The following ADARB1 variants were observed in gnomAD, a reference collection of about 807,000 sequenced individuals.
ADARB1 encodes double-stranded RNA-specific editase 1.
ADARB1 carries 10 observed loss-of-function variants against 52.4 expected under a neutral mutation model. That is an observed-to-expected ratio of 0.19 (90% CI 0.12 to 0.32). The LOEUF is 0.32. Ranked by LOEUF, ADARB1 falls within the 10% of genes least tolerant of loss-of-function variation. ADARB1 has a pLI of 1.00. For synonymous variants in ADARB1, 349 were observed against 371.1 expected, an observed-to-expected ratio of 0.94 and a Z score of 0.68; for missense variants, 643 against 922.3, an observed-to-expected ratio of 0.70 and a Z score of 3.92.
intron 8 of ADARB1, among the ~76,000 whole-genome samples, chr21:45,203,916 C>A (rs1317007830): frequency 1.3e-5 from 2 of 152,122 alleles, no homozygotes; most frequent in Admixed American, 6.5e-5. Flanking sequence ...AAGTACCTTC[C>A]TATATAAAGT....
chr21:45,090,359 A>T (rs1033461670), intron 1 of ADARB1, among the ~76,000 whole-genome samples: 1 of 151,378 alleles, frequency 6.6e-6, no homozygotes, highest in African/African-American at 2.4e-5. Flanking sequence ...TAGTCTTTTC[A>T]TTTTTTTCAT....
Position 45,204,301 on chromosome 21 carries a change from CAT to C in ADARB1, c.1566-251_1566-250del, listed in dbSNP as rs995149780. Among the ~76,000 whole-genome samples, 6 of 152,184 alleles carry C rather than the reference CAT, an allele frequency of 3.9e-5. No individual in the cohort carries two copies. Among genetic ancestry groups the C allele is most frequent in the African/African-American group, 1.2e-4 (5 of 41,436 alleles). On this transcript the variant is annotated intron_variant, in intron 8 of 10. Coordinates refer to ENST00000348831, the MANE Select transcript of ADARB1 (RefSeq NM_001112.4). The surrounding 1 kb of genome is among the most constrained non-coding windows in gnomAD (Gnocchi z 4.4). Reference sequence around the variant, plus strand: ...TTTCCCACAGATTTCTCACAAGAAACATATGTGGCTCATTGATTGTGGGAAAA... The same window carrying C: ...TTTCCCACAGATTTCTCACAAGAAACATGTGGCTCATTGATTGTGGGAAAA...
chr21:45,139,035 C>T (rs935882118), intron 2 of ADARB1, among the ~76,000 whole-genome samples: 6 of 152,116 alleles, frequency 3.9e-5, no homozygotes, highest in Non-Finnish European at 8.8e-5. Context: ...ATTCACCTGC[C>T]ACAGCCTCCT....
intron 2 of ADARB1, among the ~76,000 whole-genome samples, chr21:45,156,748 G>A (rs1262739995): frequency 1.3e-5 from 2 of 152,098 alleles, no homozygotes; most frequent in African/African-American, 2.4e-5. Context: ...CTGGCACCAG[G>A]GGTTTGAACA....
In ADARB1 at chr21:45,224,242, C is replaced by T. The variant is rs1361419747; in HGVS notation, c.*2045C>T. On this transcript the variant is annotated 3_prime_UTR_variant, in exon 11 of 11. Coordinates refer to ENST00000348831, the MANE Select transcript of ADARB1 (RefSeq NM_001112.4). ...AGTGTTAATATATTCCATATACATA[C>T]AAAACTACCCGGTATGTCTGGCTTT... 5.1e-6 allele frequency: 5 copies of T among 985,418 alleles called. No individual in the cohort carries two copies. In the African/African-American group the frequency reaches 7.0e-5, roughly 14 times the overall value. 61.0% of individuals were successfully genotyped at this position (985,418 alleles called of 1,614,324 possible).
At chr21:45,203,058 C>A (rs1462989990) in intron 8 of ADARB1, among the ~76,000 whole-genome samples, 5 of 152,252 alleles carry the variant, frequency 3.3e-5, no homozygotes, top group African/African-American at 1.2e-4. Flanking sequence ...ACTGCTGACG[C>A]CACTTCGTAA....
chr21:45,160,332 G>A (rs569243385), intron 2 of ADARB1, among the ~76,000 whole-genome samples: 17 of 152,260 alleles, frequency 1.1e-4, no homozygotes, highest in African/African-American at 3.4e-4. Context: ...GCTTACAGAC[G>A]TTCGCATAGT....
At chr21:45,149,740 G>T (rs1444842707) in intron 2 of ADARB1, among the ~76,000 whole-genome samples, 1 of 152,170 alleles carries the variant, frequency 6.6e-6, no homozygotes, top group African/African-American at 2.4e-5. Context: ...TTTTATTTCT[G>T]CAAATGACTA....
chr21:45,085,991 G>T (rs1295821781), intron 1 of ADARB1, among the ~76,000 whole-genome samples: 2 of 152,206 alleles, frequency 1.3e-5, no homozygotes, highest in African/African-American at 4.8e-5. Flanking sequence ...TCTGTTTATT[G>T]CTGGAAGCCC....
chr21:45,163,299 C>G (rs1204964627), intron 2 of ADARB1, among the ~76,000 whole-genome samples: 1 of 152,220 alleles, frequency 6.6e-6, no homozygotes, highest in African/African-American at 2.4e-5. Flanking sequence ...CAAAAGGCAA[C>G]AGGGCACAGG....
intron 2 of ADARB1, among the ~76,000 whole-genome samples, chr21:45,164,688 C>T (rs1440009061): frequency 1.3e-5 from 2 of 152,046 alleles, no homozygotes; most frequent in Non-Finnish European, 2.9e-5. Flanking sequence ...GAAGGGCTGA[C>T]GATGAGCACA....
chr21:45,204,041 C>T lies in ADARB1; in HGVS notation c.1566-514C>T, dbSNP rs2092616839. Among the ~76,000 whole-genome samples, 1 of 152,226 alleles carries T rather than the reference C, an allele frequency of 6.6e-6. No homozygotes were observed. The highest frequency in any genetic ancestry group is 6.5e-5 in the Admixed American group (1 of 15,288). ...ATCAATCTTATCACCAAGGCGACTG[C>T]TAATGGGCCAGCGGCATCTGCAACG... On this transcript the variant is annotated intron_variant, in intron 8 of 10. Coordinates refer to ENST00000348831, the MANE Select transcript of ADARB1 (RefSeq NM_001112.4). This position sits in a 1 kb window ranked among gnomAD's most constrained non-coding sequence, Gnocchi z 4.4.
rs1054493688 is a variant in ADARB1, at chr21:45,222,458, G to A, written c.*261G>A. 41 of 1,235,206 alleles carry A rather than the reference G, an allele frequency of 3.3e-5. No individual in the cohort carries two copies. Among genetic ancestry groups the A allele is most frequent in the Admixed American group, 3.9e-5 (1 of 25,650 alleles). The allele number at this position is 1,235,206 out of a possible 1,614,324, so 76.5% of individuals were successfully genotyped here. A position where few individuals can be genotyped will look rare whatever the true frequency, so the allele number is the denominator to read the frequency against. On this transcript the variant is annotated 3_prime_UTR_variant, in exon 11 of 11. Transcript: ENST00000348831. ...GCCGCAGCATTTCCCCTTCTGAACC[G>A]TCCAGTGACTGCTTTCAATCTCGGT...
In ADARB1 at chr21:45,224,847, G is replaced by A. The variant is rs1453470809; in HGVS notation, c.*2650G>A. ...AAATACAGAACGCTGACTCCTCCGTGAGACAGATCGGGGACCTTAGCACTT... is the reference window on the plus strand; with the variant it reads ...AAATACAGAACGCTGACTCCTCCGTAAGACAGATCGGGGACCTTAGCACTT... On this transcript the variant is annotated 3_prime_UTR_variant, in exon 11 of 11. Coordinates refer to ENST00000348831, the MANE Select transcript of ADARB1 (RefSeq NM_001112.4). 1 of 985,720 alleles carries A rather than the reference G, an allele frequency of 1.0e-6. No homozygotes were observed. Among genetic ancestry groups the A allele is most frequent in the East Asian group, 1.1e-4 (1 of 8,824 alleles). The allele number at this position is 985,720 out of a possible 1,614,324, so 61.1% of individuals were successfully genotyped here.
At chr21:45,087,495 G>A (rs888096387) in intron 1 of ADARB1, among the ~76,000 whole-genome samples, 1 of 152,214 alleles carries the variant, frequency 6.6e-6, no homozygotes, top group Non-Finnish European at 1.5e-5. Context: ...CAGGAGGGCA[G>A]AGCCAGAAAC....
intron 1 of ADARB1, among the ~76,000 whole-genome samples, chr21:45,113,477 A>G (rs1477679144): frequency 1.4e-5 from 2 of 142,364 alleles, no homozygotes; most frequent in African/African-American, 5.2e-5. Flanking sequence ...GTATATATAT[A>G]TATGTGTGTG....
intron 3 of ADARB1, among the ~76,000 whole-genome samples, chr21:45,174,268 A>G (rs1386164947): frequency 6.6e-6 from 1 of 152,228 alleles, no homozygotes; most frequent in African/African-American, 2.4e-5. Context: ...TTTAACTTTC[A>G]TTCACATTAC....
chr21:45,128,217 C>T lies in ADARB1; in HGVS notation c.-219-185C>T, dbSNP rs890042694. ...CCTGCTGCAGGCAGACGGACGGAGA[C>T]GTGATGGATTGCGCATATCCCCTTT... is the stretch of plus-strand genomic sequence containing the variant. On this transcript the variant is annotated intron_variant, in intron 1 of 10. Coordinates refer to ENST00000348831, the MANE Select transcript of ADARB1 (RefSeq NM_001112.4). This position sits in a 1 kb window ranked among gnomAD's most constrained non-coding sequence, Gnocchi z 4.6. Among the ~76,000 whole-genome samples, 7 of 152,192 alleles carry T rather than the reference C, an allele frequency of 4.6e-5. No homozygotes were observed. The highest frequency in any genetic ancestry group is 7.3e-5 in the Non-Finnish European group (5 of 68,036).
chr21:45,152,538 G>C, intron 2 of ADARB1: 1 of 286,626 alleles, frequency 3.5e-6, no homozygotes, highest in Non-Finnish European at 7.4e-6. Flanking sequence ...GTGAGTCGGT[G>C]TGCTGCTGCC....
Sources: gnomAD v4.1 joint callset for allele counts (sites outside exome capture counted in the v4.1 genomes callset) on GRCh38, gnomAD v4.1.1 for gene constraint, Gnocchi (gnomAD v3.1) non-coding constraint, MANE v1.5 for transcripts, NCBI Gene and HGNC (gene_info 2026-07-23, HGNC 2026-07-21) for gene names.